DCUN1D5: variants seen among roughly 807,000 people sequenced by gnomAD.
The protein encoded by DCUN1D5 is DCN1-like protein 5.
A neutral mutation model predicts 38.3 loss-of-function variants in DCUN1D5; 10 were observed. The ratio of observed to expected loss-of-function variants is 0.26; its 90% confidence interval spans 0.16 to 0.44. The LOEUF (loss-of-function observed/expected upper bound fraction) is 0.44, where lower values mean the gene tolerates loss of function less well. Ranked by LOEUF, DCUN1D5 falls within the 20% of genes least tolerant of loss-of-function variation. DCUN1D5 has a pLI of 1.00. For missense variants in DCUN1D5, 148 were observed against 275.3 expected, an observed-to-expected ratio of 0.54 and a Z score of 3.27; for synonymous variants, 93 against 90.9, an observed-to-expected ratio of 1.02 and a Z score of -0.13.
chr11:103,083,334 G>A lies in DCUN1D5; in HGVS notation c.179-8C>T, dbSNP rs763161525. On this transcript the variant is annotated splice_polypyrimidine_tract_variant and splice_region_variant and intron_variant, in intron 2 of 7. Coordinates refer to ENST00000260247, the MANE Select transcript of DCUN1D5 (RefSeq NM_032299.4). The surrounding 1 kb of genome is among the most constrained non-coding windows in gnomAD (Gnocchi z 4.4). ...CTACAACTTCATCAGGACCTTCAAA[G>A]ACAAAAATAATTAACATATTTTGTT... 1.1e-5 allele frequency: 17 copies of A among 1,538,912 alleles called. No homozygotes were observed.
At position 103,092,063 on chromosome 11, in the gene DCUN1D5, C is replaced by T. The variant is rs1862888013; in HGVS notation, c.-191G>A. ...GGTATCCTCGTCGTCTTTCTCTGAC[C>T]GGGACAGGGCTGGCTCCTCGCCGGT... On this transcript the variant is annotated 5_prime_UTR_variant, in exon 1 of 8. Coordinates refer to ENST00000260247, the MANE Select transcript of DCUN1D5 (RefSeq NM_032299.4). 1 of 587,422 alleles carries T rather than the reference C, an allele frequency of 1.7e-6. No homozygotes were observed. The highest frequency in any genetic ancestry group is 3.0e-6 in the Non-Finnish European group (1 of 332,186). The allele number at this position is 587,422 out of a possible 1,614,324, so 36.4% of individuals were successfully genotyped here.
rs1565282773 is a variant in DCUN1D5, at chr11:103,060,370, A to G, written c.*1989T>C. ...TAAATACTGTTGACCCTTGAACAGC[A>G]TGAGTTTGAACTGTGTGGGTCTGCT... On this transcript the variant is annotated 3_prime_UTR_variant, in exon 8 of 8. Transcript: ENST00000260247. Among the ~76,000 whole-genome samples the G allele has an allele frequency of 6.6e-6, 1 of 152,186 alleles. No homozygotes were observed. The highest frequency in any genetic ancestry group is 1.5e-5 in the Non-Finnish European group (1 of 68,022).
rs962812172 is a variant in DCUN1D5 at position 103,056,133 on chromosome 11, A to G, written c.*6226T>C. Among the ~76,000 whole-genome samples, 3 of 152,068 alleles carry G rather than the reference A, an allele frequency of 2.0e-5. No individual in the cohort carries two copies. Among genetic ancestry groups the G allele is most frequent in the African/African-American group, 7.2e-5 (3 of 41,408 alleles). On this transcript the variant is annotated 3_prime_UTR_variant, in exon 8 of 8. Transcript: ENST00000260247. This position sits in a 1 kb window ranked among gnomAD's most constrained non-coding sequence, Gnocchi z 4.9. ...ACCATTTGTCACCTGGATTTACCAT[A>G]TTATCTTCCTACTACTACCTGCTTC...
chr11:103,065,905 C>A lies in DCUN1D5; in HGVS notation c.555+364G>T, dbSNP rs1308890793. On this transcript the variant is annotated intron_variant, in intron 6 of 7. Transcript: ENST00000260247. This position sits in a 1 kb window ranked among gnomAD's most constrained non-coding sequence, Gnocchi z 4.6. ...TCTTATGTACATTTCAGCTTAAGAC[C>A]CTGTGTAACAAAAGAAGAAAATCAG... 6.6e-6 allele frequency among the ~76,000 whole-genome samples: 1 copy of A among 151,554 alleles called. No individual in the cohort carries two copies. The highest frequency in any genetic ancestry group is 1.5e-5 in the Non-Finnish European group (1 of 67,908).
chr11:103,067,307 C>T (rs901494236), intron 4 of DCUN1D5, among the ~76,000 whole-genome samples: 1 of 152,182 alleles, frequency 6.6e-6, no homozygotes, highest in African/African-American at 2.4e-5. Context: ...AGGCCTTTCA[C>T]AATTTGGCAC....
chr11:103,062,284 T>C lies in DCUN1D5; in HGVS notation c.*75A>G, dbSNP rs752082088. On this transcript the variant is annotated 3_prime_UTR_variant, in exon 8 of 8. Coordinates refer to ENST00000260247, the MANE Select transcript of DCUN1D5 (RefSeq NM_032299.4). This position sits in a 1 kb window ranked among gnomAD's most constrained non-coding sequence, Gnocchi z 4.6. ...ATGAATGAAAATGCACCCGTTGGAT[T>C]TTTTTCCCCCTCATCACATTAGCTT... 7.0e-7 allele frequency: 1 copy of C among 1,428,906 alleles called. No individual in the cohort carries two copies. The highest frequency in any genetic ancestry group is 9.8e-7 in the Non-Finnish European group (1 of 1,024,330). The allele number at this position is 1,428,906 out of a possible 1,614,324, so 88.5% of individuals were successfully genotyped here.
rs559132943 is a variant in DCUN1D5, at chr11:103,077,459, A to G, written c.341+5289T>C. ...GAAAGCAAGAGATAGTTTTCCAAAT[A>G]ACAACCAAATAAAACCACACAGATT... On this transcript the variant is annotated intron_variant, in intron 4 of 7. Transcript: ENST00000260247. This position sits in a 1 kb window ranked among gnomAD's most constrained non-coding sequence, Gnocchi z 4.3. 6.6e-6 allele frequency among the ~76,000 whole-genome samples: 1 copy of G among 152,350 alleles called. No homozygotes were observed. Among genetic ancestry groups the G allele is most frequent in the South Asian group, 2.1e-4 (1 of 4,832 alleles).
chr11:103,084,723 C>CT (rs1473031955), intron 2 of DCUN1D5, among the ~76,000 whole-genome samples: 1 of 152,128 alleles, frequency 6.6e-6, no homozygotes, highest in Non-Finnish European at 1.5e-5. Context: ...GGCGCGGTGG[C>CT]TCATGCCTGT....
chr11:103,090,688 G>A (rs1810897871), intron 1 of DCUN1D5, among the ~76,000 whole-genome samples: 1 of 152,118 alleles, frequency 6.6e-6, no homozygotes. Flanking sequence ...CGAGGCGGGC[G>A]GATCGCGAGG....
intron 4 of DCUN1D5, among the ~76,000 whole-genome samples, chr11:103,075,799 C>T (rs1001399698): frequency 6.6e-6 from 1 of 152,144 alleles, no homozygotes; most frequent in African/African-American, 2.4e-5. Context: ...AACCAGAATT[C>T]CTTATATATG....
In DCUN1D5 at chr11:103,083,353, T is replaced by C. The variant is rs751820120; in HGVS notation, c.179-27A>G. On this transcript the variant is annotated intron_variant, in intron 2 of 7. Transcript: ENST00000260247. This position sits in a 1 kb window ranked among gnomAD's most constrained non-coding sequence, Gnocchi z 4.4. ...TTCAAAGACAAAAATAATTAACATA[T>C]TTTGTTATAATATCAACATAAAACA... is the stretch of plus-strand genomic sequence containing the variant. 4 of 1,318,242 alleles carry C rather than the reference T, an allele frequency of 3.0e-6. No individual in the cohort carries two copies. The highest frequency in any genetic ancestry group is 2.9e-5 in the African/African-American group (2 of 68,566). 81.7% of individuals were successfully genotyped at this position (1,318,242 alleles called of 1,614,324 possible).
chr11:103,073,894 G>A lies in DCUN1D5; in HGVS notation c.342-7327C>T, dbSNP rs1862340312. On this transcript the variant is annotated intron_variant, in intron 4 of 7. Transcript: ENST00000260247. The surrounding 1 kb of genome is among the most constrained non-coding windows in gnomAD (Gnocchi z 4.2). Reference sequence around the variant, plus strand: ...TTGAGACCAGCCTGGCCAACATGGTGAAATCCTGTCACTACTAAAAAATAG... The same window carrying A: ...TTGAGACCAGCCTGGCCAACATGGTAAAATCCTGTCACTACTAAAAAATAG... Among the ~76,000 whole-genome samples, 3 of 152,260 alleles carry A rather than the reference G, an allele frequency of 2.0e-5. No homozygotes were observed. The South Asian group carries it at 6.2e-4, about 32-fold the overall frequency.
intron 1 of DCUN1D5, among the ~76,000 whole-genome samples, chr11:103,089,522 C>A (rs1862800424): frequency 6.6e-6 from 1 of 152,048 alleles, no homozygotes; most frequent in Non-Finnish European, 1.5e-5. Context: ...TAACAAAACC[C>A]AAATACCTTT....
chr11:103,061,622 A>C lies in DCUN1D5; in HGVS notation c.*737T>G, dbSNP rs1203832425. On this transcript the variant is annotated 3_prime_UTR_variant, in exon 8 of 8. Coordinates refer to ENST00000260247, the MANE Select transcript of DCUN1D5 (RefSeq NM_032299.4). The stretch of plus-strand genomic sequence containing the variant: ...CAAAAAAAAAAAAAAAAAGTGCTTT[A>C]AACAAAATTCCCTATATAATGACAG... Among the ~76,000 whole-genome samples the C allele has an allele frequency of 6.6e-6, 1 of 151,424 alleles. No homozygotes were observed. Among genetic ancestry groups the C allele is most frequent in the African/African-American group, 2.4e-5 (1 of 41,082 alleles).
At position 103,058,255 on chromosome 11, in the gene DCUN1D5, A is replaced by C. The variant is rs1472966059; in HGVS notation, c.*4104T>G. On this transcript the variant is annotated 3_prime_UTR_variant, in exon 8 of 8. Transcript: ENST00000260247. ...AGCAAAATGTTTCATCGATCCTAAA[A>C]AGAAAATGGTCACACCAATAACAAC... 6.6e-6 allele frequency among the ~76,000 whole-genome samples: 1 copy of C among 152,228 alleles called. No individual in the cohort carries two copies. Among genetic ancestry groups the C allele is most frequent in the East Asian group, 1.9e-4 (1 of 5,206 alleles).
chr11:103,058,436 G>T lies in DCUN1D5; in HGVS notation c.*3923C>A, dbSNP rs1444193929. On this transcript the variant is annotated 3_prime_UTR_variant, in exon 8 of 8. Coordinates refer to ENST00000260247, the MANE Select transcript of DCUN1D5 (RefSeq NM_032299.4). ...AAAAGATCTAAAGATTTGTTCCAGT[G>T]AAGTACAAGTTCACTAGAAAAATCT... 2.0e-5 allele frequency among the ~76,000 whole-genome samples: 3 copies of T among 152,242 alleles called. No individual in the cohort carries two copies. The South Asian group carries it at 6.2e-4, about 32-fold the overall frequency.
Position 103,056,480 on chromosome 11 carries a change from T to C in DCUN1D5, c.*5879A>G, listed in dbSNP as rs1025321011. On this transcript the variant is annotated 3_prime_UTR_variant, in exon 8 of 8. Coordinates refer to ENST00000260247, the MANE Select transcript of DCUN1D5 (RefSeq NM_032299.4). This position sits in a 1 kb window ranked among gnomAD's most constrained non-coding sequence, Gnocchi z 4.9. ...CCTCAGGCCTCTGCTCAATGTCACA[T>C]ATCAGTGTACATGCTACTTAATAGT... Among the ~76,000 whole-genome samples the C allele has an allele frequency of 6.6e-6, 1 of 152,134 alleles. No individual in the cohort carries two copies. Among genetic ancestry groups the C allele is most frequent in the African/African-American group, 2.4e-5 (1 of 41,444 alleles).
chr11:103,084,153 AT>A (rs1862639177), intron 2 of DCUN1D5, among the ~76,000 whole-genome samples: 1 of 152,246 alleles, frequency 6.6e-6, no homozygotes. Context: ...TTGTGACTGG[AT>A]AAGAATAAAA....
rs1862885182 is a variant in DCUN1D5, at chr11:103,091,983, A to G, written c.-111T>C. 2.9e-6 allele frequency: 3 copies of G among 1,038,970 alleles called. No individual in the cohort carries two copies. Among genetic ancestry groups the G allele is most frequent in the Non-Finnish European group, 2.7e-6 (2 of 733,164 alleles). The allele number at this position is 1,038,970 out of a possible 1,614,324, so 64.4% of individuals were successfully genotyped here. On this transcript the variant is annotated 5_prime_UTR_variant, in exon 1 of 8. Coordinates refer to ENST00000260247, the MANE Select transcript of DCUN1D5 (RefSeq NM_032299.4). This position sits in a 1 kb window ranked among gnomAD's most constrained non-coding sequence, Gnocchi z 4.3. ...TCCCAGAGACAGCAGCAAGCGGAGG[A>G]GCAGAGTCGCCAGCCCGCACCGGCG...
Sources: allele counts gnomAD v4.1 joint callset (sites outside exome capture counted in the v4.1 genomes callset), GRCh38; gene constraint gnomAD v4.1.1; non-coding constraint Gnocchi (gnomAD v3.1); transcripts MANE v1.5; gene names NCBI Gene and HGNC (gene_info 2026-07-23, HGNC 2026-07-21).